The following PTPRM variants were observed in gnomAD, a reference collection of about 807,000 sequenced individuals.
PTPRM encodes receptor-type tyrosine-protein phosphatase mu.
Under a neutral mutation model 186.7 loss-of-function variants are expected in PTPRM, and 47 were observed. The ratio of observed to expected loss-of-function variants is 0.25; its 90% confidence interval spans 0.20 to 0.32. The LOEUF is 0.32. Among genes scored for constraint, PTPRM ranks in the 10% least tolerant of loss-of-function variants. The pLI, the probability that PTPRM is intolerant of heterozygous loss-of-function variation, is 1.00. For missense variants in PTPRM, 1,494 were observed against 1,865.0 expected (o/e 0.80, Z 3.66); for synonymous variants, 668 against 674.9 (o/e 0.99, Z 0.16).
At chr18:8,331,911 C>T (rs180884453) in intron 22 of PTPRM, among the ~76,000 whole-genome samples, 20 of 152,350 alleles carry the variant, frequency 1.3e-4, no homozygotes, top group Admixed American at 1.2e-3. Context: ...GCCAGCTCCA[C>T]GTCTTGGTGT....
intron 1 of PTPRM, among the ~76,000 whole-genome samples, chr18:7,720,026 C>T (rs947313604): frequency 6.6e-6 from 1 of 152,064 alleles, no homozygotes. Flanking sequence ...AGCAAGACCC[C>T]GTCTCTTAAA....
At position 8,296,450 on chromosome 18, in the gene PTPRM, T is replaced by G. The variant is rs1276587153; in HGVS notation, c.2837T>G (p.Ile946Ser). The G allele has an allele frequency of 6.2e-7, 1 of 1,601,040 alleles. No homozygotes were observed. Among genetic ancestry groups the G allele is most frequent in the Non-Finnish European group, 8.6e-7 (1 of 1,168,190 alleles). The change falls in exon 20 of 33, where the codon ATT becomes AGT. Residue 946 changes from isoleucine to serine, a missense_variant. Ile to Ser is a moderately radical substitution (Grantham distance 142, BLOSUM62 -2). Coordinates refer to ENST00000580170, the MANE Select transcript of PTPRM (RefSeq NM_001105244.2). ...NRMKNRYGNI[I>S]AYDHSRVRLQ... ...ATGAAGAACAGATACGGGAATATCA[T>G]TGCATGTAAGTGTCAACAGTGTCAT...
At chr18:8,236,272 A>T (rs1259753935) in intron 14 of PTPRM, among the ~76,000 whole-genome samples, 1 of 152,166 alleles carries the variant, frequency 6.6e-6, no homozygotes, top group African/African-American at 2.4e-5. Context: ...ATACACGTTA[A>T]AAAATTTTAT....
chr18:7,796,090 C>T (rs2043628060), intron 2 of PTPRM, among the ~76,000 whole-genome samples: 1 of 151,932 alleles, frequency 6.6e-6, no homozygotes, highest in Admixed American at 6.6e-5. Context: ...GAATAAACCA[C>T]TTTTGAAACA....
intron 1 of PTPRM, among the ~76,000 whole-genome samples, chr18:7,572,006 G>A (rs1412770854): frequency 6.6e-6 from 1 of 152,084 alleles, no homozygotes; most frequent in Non-Finnish European, 1.5e-5. Context: ...CATTTTCAAG[G>A]TGCTTTCGCT....
chr18:7,908,857 G>A (rs2050125893), intron 4 of PTPRM, among the ~76,000 whole-genome samples: 1 of 152,196 alleles, frequency 6.6e-6, no homozygotes, highest in Non-Finnish European at 1.5e-5. Flanking sequence ...ATAGCCTCCA[G>A]CTAGAAAAGT....
At chr18:7,671,653 A>T (rs1167944297) in intron 1 of PTPRM, among the ~76,000 whole-genome samples, 1 of 152,230 alleles carries the variant, frequency 6.6e-6, no homozygotes, top group African/African-American at 2.4e-5. Flanking sequence ...GCATTCTTTC[A>T]AAAGTAAGTA....
chr18:8,203,460 G>A (rs1465259292), intron 14 of PTPRM, among the ~76,000 whole-genome samples: 1 of 152,212 alleles, frequency 6.6e-6, no homozygotes, highest in East Asian at 1.9e-4. Context: ...AAAGAAACAT[G>A]ATGACTTAAT....
chr18:7,988,208 G>A (rs2083073615), intron 7 of PTPRM, among the ~76,000 whole-genome samples: 1 of 151,600 alleles, frequency 6.6e-6, no homozygotes, highest in African/African-American at 2.4e-5. Context: ...CAAATTCTGA[G>A]CTAGACCTTA....
At chr18:7,772,584 AG>A (rs904598828) in intron 1 of PTPRM, among the ~76,000 whole-genome samples, 1 of 151,006 alleles carries the variant, frequency 6.6e-6, no homozygotes, top group Non-Finnish European at 1.5e-5. Flanking sequence ...GCCCTTTTTA[AG>A]GGGGGATGTT....
chr18:7,618,532 G>A (rs1195058738), intron 1 of PTPRM, among the ~76,000 whole-genome samples: 2 of 152,058 alleles, frequency 1.3e-5, no homozygotes, highest in Admixed American at 6.6e-5. Flanking sequence ...AAAACAAAAA[G>A]CAATACAAAA....
chr18:7,684,708 T>G (rs1008812523), intron 1 of PTPRM, among the ~76,000 whole-genome samples: 4 of 152,216 alleles, frequency 2.6e-5, no homozygotes, highest in African/African-American at 9.6e-5. Flanking sequence ...AATAATACAT[T>G]GTATGTATAT....
intron 24 of PTPRM, among the ~76,000 whole-genome samples, chr18:8,375,302 A>G (rs2095687843): frequency 6.6e-6 from 1 of 152,204 alleles, no homozygotes; most frequent in Non-Finnish European, 1.5e-5. Flanking sequence ...ATTGGCTTAC[A>G]TGCCTGTTTG....
chr18:8,259,512 C>T (rs533006124), intron 19 of PTPRM, among the ~76,000 whole-genome samples: 3 of 150,786 alleles, frequency 2.0e-5, no homozygotes, highest in East Asian at 2.0e-4. Flanking sequence ...ATCCTTCCCC[C>T]GTTTTCTAAG....
intron 1 of PTPRM, among the ~76,000 whole-genome samples, chr18:7,637,678 A>G (rs950061447): frequency 8.5e-5 from 13 of 152,202 alleles, no homozygotes; most frequent in African/African-American, 3.1e-4. Context: ...CATTGAATTA[A>G]TGCACATTGA....
intron 1 of PTPRM, among the ~76,000 whole-genome samples, chr18:7,576,390 CA>C (rs1465819956): frequency 6.6e-6 from 1 of 152,162 alleles, no homozygotes; most frequent in Non-Finnish European, 1.5e-5. Flanking sequence ...GCTATGGAAT[CA>C]AAATGGGCTC....
chr18:7,655,754 A>G (rs1206787906), intron 1 of PTPRM, among the ~76,000 whole-genome samples: 1 of 152,230 alleles, frequency 6.6e-6, no homozygotes, highest in Non-Finnish European at 1.5e-5. Flanking sequence ...GGAATCTTAA[A>G]TACATATTAT....
intron 2 of PTPRM, among the ~76,000 whole-genome samples, chr18:7,818,490 G>A (rs549882709): frequency 6.6e-6 from 1 of 152,246 alleles, no homozygotes; most frequent in South Asian, 2.1e-4. Flanking sequence ...CCTCCTACTG[G>A]ACTCTGAGGT....
chr18:7,610,709 A>G (rs560776736), intron 1 of PTPRM, among the ~76,000 whole-genome samples: 38 of 152,348 alleles, frequency 2.5e-4, no homozygotes, highest in South Asian at 1.2e-3. Context: ...GGTGTAAACA[A>G]ACCTACTGTG....
Sources: gnomAD v4.1 joint callset for allele counts (sites outside exome capture counted in the v4.1 genomes callset) on GRCh38, gnomAD v4.1.1 for gene constraint, MANE v1.5 for transcripts, NCBI Gene and HGNC (gene_info 2026-07-23, HGNC 2026-07-21) for gene names.